PRKD1: variants seen among roughly 807,000 people sequenced by gnomAD.
PRKD1 encodes the protein protein kinase D1.
A neutral mutation model predicts 95.9 loss-of-function variants in PRKD1; 63 were observed. That is an observed-to-expected ratio of 0.66 (90% confidence interval 0.54 to 0.81). PRKD1 has a LOEUF of 0.81. PRKD1 is among the 30% of genes least tolerant of loss of function. PRKD1 has a pLI of 0.00. For missense variants in PRKD1, 1,048 were observed against 1,165.3 expected, an observed-to-expected ratio of 0.90 and a Z score of 1.47; for synonymous variants, 425 against 423.1, an observed-to-expected ratio of 1.00 and a Z score of -0.05.
Position 29,665,704 on chromosome 14 carries a change from C to T in PRKD1, c.535+373G>A, listed in dbSNP as rs546700568. Among the ~76,000 whole-genome samples the T allele has an allele frequency of 4.6e-5, 7 of 151,996 alleles. No individual in the cohort carries two copies. The South Asian group carries it at 8.3e-4, about 18-fold the overall frequency. ...ATAAAGAGAATGTGGAGTGTATACA[C>T]GCACACACACCAATGTATATACATG... On this transcript the variant is annotated intron_variant, in intron 3 of 17. Coordinates refer to ENST00000331968, the MANE Select transcript of PRKD1 (RefSeq NM_002742.3).
intron 4 of PRKD1, among the ~76,000 whole-genome samples, chr14:29,645,604 T>A (rs1881074220): frequency 6.6e-6 from 1 of 152,160 alleles, no homozygotes; most frequent in South Asian, 2.1e-4. Flanking sequence ...ATTTAGCAAG[T>A]GTTTCCTGGG....
At chr14:29,690,178 G>T (rs1566541456) in intron 2 of PRKD1, among the ~76,000 whole-genome samples, 1 of 152,084 alleles carries the variant, frequency 6.6e-6, no homozygotes, top group African/African-American at 2.4e-5. Flanking sequence ...TTACTTTCTA[G>T]ATAAGGTCAT....
chr14:29,581,216 T>C (rs767757359), intron 16 of PRKD1, among the ~76,000 whole-genome samples: 12 of 152,136 alleles, frequency 7.9e-5, no homozygotes, highest in Non-Finnish European at 4.4e-5. Flanking sequence ...TGCTTAGTCC[T>C]CCTGTACACC....
At chr14:29,744,672 G>A (rs998708099) in intron 1 of PRKD1, among the ~76,000 whole-genome samples, 2 of 152,050 alleles carry the variant, frequency 1.3e-5, no homozygotes, top group Non-Finnish European at 2.9e-5. Context: ...TCAGCCTCCC[G>A]AGTAGTTGGG....
chr14:29,837,823 A>G (rs1223076653), intron 1 of PRKD1, among the ~76,000 whole-genome samples: 7 of 152,238 alleles, frequency 4.6e-5, no homozygotes, highest in Non-Finnish European at 1.0e-4. Context: ...TATATATAAA[A>G]TACTGTATAC....
At chr14:29,905,474 G>A (rs1436907531) in intron 1 of PRKD1, among the ~76,000 whole-genome samples, 15 of 151,642 alleles carry the variant, frequency 9.9e-5, no homozygotes, top group Admixed American at 8.5e-4. Flanking sequence ...ATAACCATTT[G>A]CCAGCAGGAA....
intron 4 of PRKD1, among the ~76,000 whole-genome samples, chr14:29,639,167 T>C (rs1450076853): frequency 6.6e-6 from 1 of 152,110 alleles, no homozygotes; most frequent in East Asian, 1.9e-4. Context: ...TTCAAATAAG[T>C]TTTTGCTTTA....
intron 1 of PRKD1, among the ~76,000 whole-genome samples, chr14:29,923,221 T>C (rs1215950901): frequency 3.0e-5 from 4 of 134,372 alleles, no homozygotes; most frequent in Non-Finnish European, 4.5e-5. Context: ...GAGAGTGAGA[T>C]TCTGTCAAAA....
intron 2 of PRKD1, among the ~76,000 whole-genome samples, chr14:29,697,060 C>G (rs574467870): frequency 6.6e-6 from 1 of 151,810 alleles, no homozygotes; most frequent in Admixed American, 6.6e-5. Context: ...TCATGTCTTC[C>G]CTGATTTTCT....
intron 1 of PRKD1, among the ~76,000 whole-genome samples, chr14:29,876,654 A>T (rs960358250): frequency 1.3e-5 from 2 of 151,952 alleles, no homozygotes; most frequent in South Asian, 4.2e-4. Flanking sequence ...AGCCAATTTC[A>T]TATATAAGGC....
chr14:29,895,533 C>T (rs1894093012), intron 1 of PRKD1, among the ~76,000 whole-genome samples: 1 of 152,066 alleles, frequency 6.6e-6, no homozygotes. Flanking sequence ...CAGGTTTCAT[C>T]ACTCCTCTCA....
At chr14:29,758,851 T>A (rs1887834649) in intron 1 of PRKD1, among the ~76,000 whole-genome samples, 3 of 152,204 alleles carry the variant, frequency 2.0e-5, no homozygotes, top group Non-Finnish European at 4.4e-5. Context: ...GGAGCCTCAG[T>A]CTATCACACT....
chr14:29,876,229 C>T (rs990223791), intron 1 of PRKD1, among the ~76,000 whole-genome samples: 1 of 152,114 alleles, frequency 6.6e-6, no homozygotes, highest in Admixed American at 6.6e-5. Context: ...TGCAGCAATG[C>T]GAGACCCATG....
Position 29,617,494 on chromosome 14 carries a change from T to C in PRKD1, c.1905+6658A>G, listed in dbSNP as rs147299935. 3.0e-4 allele frequency among the ~76,000 whole-genome samples: 46 copies of C among 152,366 alleles called. 1 individual carries two copies. The East Asian group carries it at 8.9e-3, about 29-fold the overall frequency. Reference sequence around the variant, plus strand: ...CATTTTTTCTATATTCTGTATTCTATATTCAGTGCTTTTAAAATTCCAAAA... The same window carrying C: ...CATTTTTTCTATATTCTGTATTCTACATTCAGTGCTTTTAAAATTCCAAAA... On this transcript the variant is annotated intron_variant, in intron 13 of 17. Coordinates refer to ENST00000331968, the MANE Select transcript of PRKD1 (RefSeq NM_002742.3).
intron 1 of PRKD1, among the ~76,000 whole-genome samples, chr14:29,729,811 C>T (rs904527696): frequency 6.6e-6 from 1 of 151,924 alleles, no homozygotes; most frequent in African/African-American, 2.4e-5. Context: ...AGCAATATTT[C>T]ACAAATTTTG....
intron 1 of PRKD1, among the ~76,000 whole-genome samples, chr14:29,831,281 A>T (rs983450057): frequency 6.6e-6 from 1 of 152,178 alleles, no homozygotes; most frequent in South Asian, 2.1e-4. Flanking sequence ...ACAAAAGCTT[A>T]TAAGATTTTC....
At chr14:29,736,978 G>C (rs1886745851) in intron 1 of PRKD1, among the ~76,000 whole-genome samples, 1 of 152,114 alleles carries the variant, frequency 6.6e-6, no homozygotes, top group Admixed American at 6.5e-5. Flanking sequence ...ATTAATCCAT[G>C]ACTCAGTCAA....
In PRKD1 at chr14:29,599,747, A is replaced by G; in HGVS notation, c.1976T>C (p.Met659Thr). ...FETPERVFVV[M>T]EKLHGDMLEM... ...CAGCATGTCTCCATGGAGTTTTTCCATAACAACAAACACTCTTTCAGGCGT... is the reference window on the plus strand; with the variant it reads ...CAGCATGTCTCCATGGAGTTTTTCCGTAACAACAAACACTCTTTCAGGCGT... The change falls in exon 14 of 18, where the codon ATG becomes ACG. Residue 659 changes from methionine (M) to threonine (T), a missense_variant. By Grantham distance (81) the Met-to-Thr change is moderately conservative. This residue lies in a region of PRKD1 where 739 missense variants were observed against 861.9 expected (regional missense o/e 0.86). Transcript: ENST00000331968. The G allele has an allele frequency of 6.2e-7, 1 of 1,613,442 alleles. No individual in the cohort carries two copies. Among genetic ancestry groups the G allele is most frequent in the South Asian group, 1.1e-5 (1 of 91,044 alleles).
At chr14:29,667,118 C>G (rs1274016842) in intron 2 of PRKD1, among the ~76,000 whole-genome samples, 1 of 152,024 alleles carries the variant, frequency 6.6e-6, no homozygotes, top group Non-Finnish European at 1.5e-5. Context: ...CTTTCCAGAC[C>G]TATGTGCACA....
Sources: gnomAD v4.1 joint callset for allele counts (sites outside exome capture counted in the v4.1 genomes callset) on GRCh38, gnomAD v4.1.1 for gene constraint, gnomAD v4.1.1 regional missense constraint, MANE v1.5 for transcripts, NCBI Gene and HGNC (gene_info 2026-07-23, HGNC 2026-07-21) for gene names.